The following PCDHA2 variants were observed in gnomAD, a reference collection of about 807,000 sequenced individuals.
PCDHA2 encodes the protein protocadherin alpha-2.
PCDHA2 carries 58 observed loss-of-function variants against 66.0 expected under a neutral mutation model. The ratio of observed to expected loss-of-function variants is 0.88; its 90% CI spans 0.71 to 1.09. The LOEUF is 1.09. Ranked by LOEUF, PCDHA2 falls within the 50% of genes least tolerant of loss-of-function variation. PCDHA2 has a pLI of 0.00. For missense variants in PCDHA2, 1,267 were observed against 1,242.3 expected (o/e 1.02, Z -0.30); for synonymous variants, 634 against 554.0 (o/e 1.14, Z -2.03).
intron 3 of PCDHA2, among the ~76,000 whole-genome samples, chr5:140,996,686 T>G (rs1447702915): frequency 2.6e-5 from 4 of 152,214 alleles, no homozygotes; most frequent in Non-Finnish European, 5.9e-5. Flanking sequence ...TGGGCTAGTA[T>G]TCTTCTGAAC....
chr5:140,884,549 G>A (rs782470468), intron 1 of PCDHA2: 3 of 1,614,016 alleles, frequency 1.9e-6, no homozygotes, highest in African/African-American at 1.3e-5. Context: ...GGTGTGCTCT[G>A]GGGAGGGCCC....
intron 1 of PCDHA2, among the ~76,000 whole-genome samples, chr5:140,832,930 G>T (rs537948111): frequency 6.6e-6 from 1 of 152,150 alleles, no homozygotes; most frequent in Non-Finnish European, 1.5e-5. Context: ...GTATTCATGA[G>T]AAGAGAGTAA....
At chr5:140,855,140 G>C (rs2043352790) in intron 1 of PCDHA2, among the ~76,000 whole-genome samples, 1 of 149,686 alleles carries the variant, frequency 6.7e-6, no homozygotes. Context: ...TTTGCCTGAT[G>C]AGCCAAATTT....
intron 1 of PCDHA2, among the ~76,000 whole-genome samples, chr5:140,976,253 T>G (rs1554237440): frequency 6.6e-6 from 1 of 152,124 alleles, no homozygotes; most frequent in Non-Finnish European, 1.5e-5. Context: ...TAAATTTATT[T>G]AAAACACAGA....
intron 1 of PCDHA2, chr5:140,801,654 T>C: frequency 6.2e-7 from 1 of 1,614,220 alleles, no homozygotes; most frequent in South Asian, 1.1e-5. Flanking sequence ...CTCTCGGTTT[T>C]CGCTAGAGGG....
intron 1 of PCDHA2, chr5:140,807,073 C>A (rs1763840766): frequency 3.3e-6 from 4 of 1,196,434 alleles, no homozygotes; most frequent in Non-Finnish European, 4.7e-6. Context: ...GAACCATATA[C>A]ACTCTTTGGA....
chr5:140,802,826 G>A (rs1554122392), intron 1 of PCDHA2: 6 of 1,613,472 alleles, frequency 3.7e-6, no homozygotes, highest in Middle Eastern at 1.7e-4. Context: ...CGGGCGTGCC[G>A]CCTCTGGGCA....
At chr5:140,867,360 T>C (rs1172405251) in intron 1 of PCDHA2, 1 of 152,152 alleles carries the variant, frequency 6.6e-6, no homozygotes, top group Non-Finnish European at 1.5e-5. Flanking sequence ...TTGATTATTT[T>C]ACAGATGCGT....
intron 1 of PCDHA2, chr5:140,809,632 G>C (rs782493933): frequency 6.7e-7 from 1 of 1,502,482 alleles, no homozygotes; most frequent in Non-Finnish European, 8.9e-7. Flanking sequence ...CAACTTCTTC[G>C]TAAATTTATT....
rs1333362831 is a variant in PCDHA2 at position 140,976,454 on chromosome 5, GGAA to G, written c.2389-2488_2389-2486del. Among the ~76,000 whole-genome samples, 4 of 152,214 alleles carry G rather than the reference GGAA, an allele frequency of 2.6e-5. No individual in the cohort carries two copies. The East Asian group carries it at 7.7e-4, about 29-fold the overall frequency. On this transcript the variant is annotated intron_variant, in intron 1 of 3. Transcript: ENST00000526136. Reference sequence around the variant, plus strand: ...TAATCCCAGCTACTAGGGAGGCTGGGGAAGAAGAATTGCTTGAATCCGGGAGGC... The same window carrying G: ...TAATCCCAGCTACTAGGGAGGCTGGGGAAGAATTGCTTGAATCCGGGAGGC...
chr5:141,008,265 G>C (rs748504708), intron 3 of PCDHA2, among the ~76,000 whole-genome samples: 4 of 152,200 alleles, frequency 2.6e-5, no homozygotes, highest in Admixed American at 6.5e-5. Flanking sequence ...AGACTGAGAA[G>C]TAATAGGAAA....
rs1762202883 is a variant in PCDHA2 at position 140,797,250 on chromosome 5, G to A, written c.2286G>A (p.Glu762=). The change falls in exon 1 of 4, where the codon GAG becomes GAA. Residue 762 remains glutamate, a synonymous_variant. Transcript: ENST00000526136. The part of the protein sequence containing the change: ...QQRRQRVCSG[E]DPPKTDLMAF... ...GGCGGCAGAGGGTGTGCTCTGGGGA[G>A]GACCCCCCCAAGACGGACCTCATGG... 1 of 1,614,200 alleles carries A rather than the reference G, an allele frequency of 6.2e-7. No homozygotes were observed.
intron 1 of PCDHA2, chr5:140,877,134 C>T (rs1339173132): frequency 1.4e-5 from 22 of 1,613,594 alleles, no homozygotes; most frequent in Non-Finnish European, 1.8e-5. Flanking sequence ...TGCAGGTGTT[C>T]GTGCTGGACG....
At chr5:140,830,534 A>G (rs2150187511) in intron 1 of PCDHA2, 2 of 1,251,108 alleles carry the variant, frequency 1.6e-6, no homozygotes, top group South Asian at 4.1e-5. Context: ...TAAATTTATA[A>G]TTGTTTTCCT....
intron 1 of PCDHA2, chr5:140,814,732 A>C (rs1021205164): frequency 6.6e-6 from 1 of 152,210 alleles, no homozygotes; most frequent in Non-Finnish European, 1.5e-5. Flanking sequence ...TTTCAGCTCC[A>C]TTATAATCTT....
intron 1 of PCDHA2, chr5:140,801,057 A>G: frequency 6.9e-7 from 1 of 1,449,086 alleles, no homozygotes; most frequent in Non-Finnish European, 9.0e-7. Context: ...AACAGCGTGC[A>G]TTACGTATTC....
chr5:140,807,014 C>A, intron 1 of PCDHA2: 2 of 789,080 alleles, frequency 2.5e-6, no homozygotes, highest in Non-Finnish European at 4.0e-6. Flanking sequence ...CCACAAAATA[C>A]ATGAGAGAAG....
At chr5:140,956,217 T>A (rs1554222303) in intron 1 of PCDHA2, among the ~76,000 whole-genome samples, 1 of 152,208 alleles carries the variant, frequency 6.6e-6, no homozygotes, top group Non-Finnish European at 1.5e-5. Context: ...GGCATCCTTG[T>A]CTTGTGCTGG....
intron 1 of PCDHA2, chr5:140,871,468 G>C (rs781821721): frequency 6.2e-7 from 1 of 1,602,172 alleles, no homozygotes; most frequent in East Asian, 2.2e-5. Context: ...GGAAAGACAG[G>C]AGCCAGGGTC....
Sources: gnomAD v4.1 joint callset for allele counts (sites outside exome capture counted in the v4.1 genomes callset) on GRCh38, gnomAD v4.1.1 for gene constraint, MANE v1.5 for transcripts, NCBI Gene and HGNC (gene_info 2026-07-23, HGNC 2026-07-21) for gene names.